The following ST8SIA6 variants were observed in gnomAD, a reference collection of about 807,000 sequenced individuals.
ST8SIA6 encodes alpha-2,8-sialyltransferase 8F.
In ST8SIA6, 39 loss-of-function variants were observed where a neutral mutation model predicts 33.6. That is an observed-to-expected ratio of 1.16 (90% confidence interval 0.90 to 1.52). ST8SIA6 has a LOEUF of 1.52. Ranked by LOEUF, ST8SIA6 falls within the 40% of genes most tolerant of loss-of-function variation. The pLI is 0.00. For missense variants in ST8SIA6, 441 were observed against 443.8 expected (o/e 0.99, Z 0.06); for synonymous variants, 172 against 167.2 (o/e 1.03, Z -0.22).
At chr10:17,360,404 A>G in intron 3 of ST8SIA6, among the ~76,000 whole-genome samples, 1 of 144,284 alleles carries the variant, frequency 6.9e-6, no homozygotes, top group East Asian at 2.2e-4. Context: ...CCAGACTAAT[A>G]TCTAGATTGA....
rs147353618 is a variant in ST8SIA6 at position 17,327,117 on chromosome 10, A to G, written c.532T>C (p.Phe178Leu). 101 of 1,599,086 alleles carry G rather than the reference A, an allele frequency of 6.3e-5. No individual in the cohort carries two copies. The highest frequency in any genetic ancestry group is 8.3e-5 in the Non-Finnish European group (97 of 1,174,538). The change falls in exon 6 of 8, where the codon TTT becomes CTT. Residue 178 changes from phenylalanine (F) to leucine (L), a missense_variant. Physicochemically the swap from Phe to Leu is conservative, Grantham distance 22 (BLOSUM62 0). Transcript: ENST00000377602. ...IFHMFPVSQP[F>L]VDYPYNQCAV... The stretch of plus-strand genomic sequence containing the variant: ...CACTGATTATAAGGGTAGTCCACAA[A>G]AGGCTGGGACTAGCAGGAGAAAGTG...
intron 3 of ST8SIA6, among the ~76,000 whole-genome samples, chr10:17,382,539 T>A (rs2986706): frequency 0.28 from 42,727 of 152,144 alleles, 6,757 homozygotes; most frequent in East Asian, 0.64. Context: ...GTGCTGGGAT[T>A]ACAGGCGTGA....
intron 4 of ST8SIA6, among the ~76,000 whole-genome samples, chr10:17,332,285 T>A (rs1394607789): frequency 6.6e-6 from 1 of 152,164 alleles, no homozygotes; most frequent in Non-Finnish European, 1.5e-5. Flanking sequence ...GTAAAATGAT[T>A]TATATTTTTT....
rs534932820 is a variant in ST8SIA6 at position 17,358,590 on chromosome 10, GGAAGAAGGA to G, written c.377+915_377+923del. Among the ~76,000 whole-genome samples the G allele has an allele frequency of 7.5e-3, 1,123 of 149,726 alleles. 21 individuals are homozygous for G. The highest frequency in any genetic ancestry group is 0.027 in the African/African-American group (1,079 of 40,422). On this transcript the variant is annotated intron_variant, in intron 4 of 7. Transcript: ENST00000377602. ...AGAATGTGGAAAAGGAGGAGGAAGA[GGAAGAAGGA>G]GGAGAAGGAGGGAGGAAGGAAGGAA...
At position 17,327,001 on chromosome 10, in the gene ST8SIA6, T is replaced by G. The variant is rs1848152423; in HGVS notation, c.635+13A>C. ...ATCTATTGTTTCAAAGAAACCAATT[T>G]GTCAGGTCTTACCTAAAAACGAAGT... On this transcript the variant is annotated intron_variant, in intron 6 of 7. Coordinates refer to ENST00000377602, the MANE Select transcript of ST8SIA6 (RefSeq NM_001004470.3). 1.3e-6 allele frequency: 2 copies of G among 1,567,408 alleles called. No homozygotes were observed. Among genetic ancestry groups the G allele is most frequent in the Non-Finnish European group, 1.7e-6 (2 of 1,152,092 alleles).
At chr10:17,375,296 T>G (rs1289513154) in intron 3 of ST8SIA6, among the ~76,000 whole-genome samples, 2 of 152,244 alleles carry the variant, frequency 1.3e-5, no homozygotes, top group Admixed American at 6.5e-5. Flanking sequence ...GATGGACAAC[T>G]TGAAACTTAG....
intron 2 of ST8SIA6, among the ~76,000 whole-genome samples, chr10:17,430,450 G>A (rs746793916): frequency 3.3e-5 from 5 of 152,210 alleles, no homozygotes; most frequent in Non-Finnish European, 5.9e-5. Flanking sequence ...TCCACTTTTA[G>A]TGGAATCTTC....
intron 2 of ST8SIA6, among the ~76,000 whole-genome samples, chr10:17,422,444 C>T (rs1851808503): frequency 6.6e-6 from 1 of 152,148 alleles, no homozygotes; most frequent in African/African-American, 2.4e-5. Flanking sequence ...TTTCTGTCCT[C>T]CCATAATTCT....
intron 2 of ST8SIA6, among the ~76,000 whole-genome samples, chr10:17,419,905 G>T (rs1372043547): frequency 6.6e-6 from 1 of 152,088 alleles, no homozygotes; most frequent in Non-Finnish European, 1.5e-5. Flanking sequence ...CTGATATCAT[G>T]CAGTCATGCT....
At chr10:17,453,057 C>G (rs1001234605) in intron 2 of ST8SIA6, among the ~76,000 whole-genome samples, 1 of 151,980 alleles carries the variant, frequency 6.6e-6, no homozygotes, top group African/African-American at 2.4e-5. Flanking sequence ...CAATTACTGC[C>G]TATGAATAAA....
chr10:17,330,281 G>T (rs1394771689), intron 5 of ST8SIA6, among the ~76,000 whole-genome samples: 1 of 152,186 alleles, frequency 6.6e-6, no homozygotes, highest in Non-Finnish European at 1.5e-5. Context: ...CTGGTCAGTT[G>T]AAAACATGGC....
chr10:17,368,136 C>G (rs1208186720), intron 3 of ST8SIA6, among the ~76,000 whole-genome samples: 1 of 150,156 alleles, frequency 6.7e-6, no homozygotes, highest in African/African-American at 2.5e-5. Flanking sequence ...TGGCTCACGC[C>G]TATAATCCCA....
chr10:17,430,508 T>C (rs1852070434), intron 2 of ST8SIA6, among the ~76,000 whole-genome samples: 1 of 152,226 alleles, frequency 6.6e-6, no homozygotes, highest in South Asian at 2.1e-4. Context: ...CCACCAGCAG[T>C]GTCTAAGTGT....
At chr10:17,445,603 C>T (rs760338817) in intron 2 of ST8SIA6, among the ~76,000 whole-genome samples, 1 of 152,232 alleles carries the variant, frequency 6.6e-6, no homozygotes, top group Non-Finnish European at 1.5e-5. Context: ...AGGAAGGGAT[C>T]TGCTGCCTGA....
chr10:17,453,520 T>C, intron 2 of ST8SIA6, 39 bp downstream of exon 2: 2 of 1,265,348 alleles, frequency 1.6e-6, no homozygotes, highest in Non-Finnish European at 2.0e-6. Context: ...GGCTCGCAGC[T>C]CCCGAGCCCC....
intron 2 of ST8SIA6, among the ~76,000 whole-genome samples, chr10:17,401,291 A>G (rs1314318940): frequency 6.6e-6 from 1 of 152,250 alleles, no homozygotes; most frequent in Non-Finnish European, 1.5e-5. Context: ...GGACACAAAC[A>G]AATGAAAGAA....
intron 2 of ST8SIA6, among the ~76,000 whole-genome samples, chr10:17,428,720 G>A (rs1236398516): frequency 6.6e-6 from 1 of 152,156 alleles, no homozygotes; most frequent in Non-Finnish European, 1.5e-5. Context: ...TGATAGAAAA[G>A]GGGACAGGAA....
At chr10:17,387,453 G>T (rs28366899) in intron 3 of ST8SIA6, among the ~76,000 whole-genome samples, 13 of 136,958 alleles carry the variant, frequency 9.5e-5, no homozygotes, top group South Asian at 2.7e-4. Flanking sequence ...GGGGCGGGGG[G>T]GGGGGGGTTC....
chr10:17,320,674 G>T lies in ST8SIA6; in HGVS notation c.*204C>A. On this transcript the variant is annotated 3_prime_UTR_variant, in exon 8 of 8. Coordinates refer to ENST00000377602, the MANE Select transcript of ST8SIA6 (RefSeq NM_001004470.3). The stretch of plus-strand genomic sequence containing the variant: ...TAAAAATTTGTATGAGTCAGATATG[G>T]TGTCCATGTTATAAGGAGAAAAAAT... 1 of 556,246 alleles carries T rather than the reference G, an allele frequency of 1.8e-6. No individual in the cohort carries two copies. Among genetic ancestry groups the T allele is most frequent in the Non-Finnish European group, 3.2e-6 (1 of 316,618 alleles). 34.5% of individuals were successfully genotyped at this position (556,246 alleles called of 1,614,324 possible). A position where few individuals can be genotyped will look rare whatever the true frequency, so the allele number is the denominator to read the frequency against.
Sources: allele counts gnomAD v4.1 joint callset (sites outside exome capture counted in the v4.1 genomes callset), GRCh38; gene constraint gnomAD v4.1.1; transcripts MANE v1.5; gene names NCBI Gene and HGNC (gene_info 2026-07-23, HGNC 2026-07-21).